The following TPRG1 variants were observed in gnomAD, a reference collection of about 807,000 sequenced individuals.
TPRG1 encodes tumor protein p63 regulated 1.
Under a neutral mutation model 29.3 loss-of-function variants are expected in TPRG1, and 29 were observed. The ratio of observed to expected loss-of-function variants is 0.99; its 90% CI spans 0.74 to 1.35. TPRG1 has a LOEUF of 1.35. Among genes scored for constraint, TPRG1 ranks in the 40% most tolerant of loss-of-function variants. The pLI is 0.00. For missense variants in TPRG1, 327 were observed against 335.0 expected (o/e 0.98, Z 0.19); for synonymous variants, 130 against 116.8 (o/e 1.11, Z -0.73).
Position 189,320,899 on chromosome 3 carries a change from G to T in TPRG1, c.*79G>T. The T allele has an allele frequency of 8.5e-7, 1 of 1,172,942 alleles. No individual in the cohort carries two copies. Among genetic ancestry groups the T allele is most frequent in the South Asian group, 2.1e-5 (1 of 46,828 alleles). 72.7% of individuals were successfully genotyped at this position (1,172,942 alleles called of 1,614,324 possible). On this transcript the variant is annotated 3_prime_UTR_variant, in exon 6 of 6. Coordinates refer to ENST00000345063, the MANE Select transcript of TPRG1 (RefSeq NM_198485.4). ...TCCAGTTTGACCCACGCTATTTTTGGACTGAAACAATTAATTATTTTTAAA... is the reference window on the plus strand; with the variant it reads ...TCCAGTTTGACCCACGCTATTTTTGTACTGAAACAATTAATTATTTTTAAA...
intron 1 of TPRG1, among the ~76,000 whole-genome samples, chr3:189,114,581 A>G (rs1720948408): frequency 1.3e-5 from 2 of 152,040 alleles, no homozygotes; most frequent in African/African-American, 4.8e-5. Flanking sequence ...GTTTTATTTC[A>G]TGAATGACAC....
intron 3 of TPRG1, among the ~76,000 whole-genome samples, chr3:189,229,899 C>T (rs1252253762): frequency 1.3e-5 from 2 of 152,192 alleles, no homozygotes; most frequent in African/African-American, 2.4e-5. Flanking sequence ...GCAGATCTCT[C>T]TGCTGCTTAA....
chr3:189,188,274 C>T (rs555608403), intron 1 of TPRG1, among the ~76,000 whole-genome samples: 11 of 152,160 alleles, frequency 7.2e-5, no homozygotes, highest in Non-Finnish European at 1.5e-4. Context: ...TTCCCTTTGG[C>T]CAGGCATTTT....
intron 3 of TPRG1, among the ~76,000 whole-genome samples, chr3:189,142,437 C>T (rs1724699335): frequency 6.6e-6 from 1 of 152,124 alleles, no homozygotes; most frequent in South Asian, 2.1e-4. Context: ...ATCTCTAGAT[C>T]CTACCCCCTG....
intron 4 of TPRG1, among the ~76,000 whole-genome samples, chr3:189,077,503 A>G (rs1717259564): frequency 6.6e-6 from 1 of 152,144 alleles, no homozygotes; most frequent in South Asian, 2.1e-4. Flanking sequence ...TTGAGTGGAA[A>G]AAGACACAAG....
intron 4 of TPRG1, among the ~76,000 whole-genome samples, chr3:189,065,801 C>T (rs1245206422): frequency 6.6e-6 from 1 of 151,838 alleles, no homozygotes; most frequent in Non-Finnish European, 1.5e-5. Flanking sequence ...TACTGGCGCT[C>T]TAGCTACTGC....
intron 4 of TPRG1, among the ~76,000 whole-genome samples, chr3:189,076,139 A>G (rs1717157004): frequency 6.6e-6 from 1 of 152,212 alleles, no homozygotes; most frequent in Non-Finnish European, 1.5e-5. Flanking sequence ...CTGAGATTTC[A>G]TATTTTTAGT....
At chr3:189,179,118 C>T (rs1004629202) in intron 1 of TPRG1, among the ~76,000 whole-genome samples, 2 of 152,188 alleles carry the variant, frequency 1.3e-5, no homozygotes, top group African/African-American at 2.4e-5. Flanking sequence ...TGTCAACTTA[C>T]CAACATCTAT....
intron 4 of TPRG1, among the ~76,000 whole-genome samples, chr3:189,091,470 T>C (rs754683324): frequency 6.6e-6 from 1 of 152,158 alleles, no homozygotes; most frequent in Non-Finnish European, 1.5e-5. Flanking sequence ...TACAATGCTC[T>C]CCACACCCTC....
intron 3 of TPRG1, among the ~76,000 whole-genome samples, chr3:189,023,088 G>A (rs193163061): frequency 3.9e-5 from 6 of 152,330 alleles, no homozygotes; most frequent in African/African-American, 9.6e-5. Context: ...GCTTTGGCTC[G>A]CGCATGGTGC....
chr3:189,030,990 G>C (rs1713901283), intron 4 of TPRG1, among the ~76,000 whole-genome samples: 1 of 152,120 alleles, frequency 6.6e-6, no homozygotes, highest in African/African-American at 2.4e-5. Flanking sequence ...AAATTAAAAA[G>C]GGCCGAGCGT....
At chr3:189,291,220 C>T (rs1718956593) in intron 4 of TPRG1, among the ~76,000 whole-genome samples, 1 of 152,124 alleles carries the variant, frequency 6.6e-6, no homozygotes, top group Non-Finnish European at 1.5e-5. Flanking sequence ...ATTTCTAAAC[C>T]TAGGTCTGGC....
intron 1 of TPRG1, among the ~76,000 whole-genome samples, chr3:189,193,827 T>C (rs924605515): frequency 6.6e-6 from 1 of 150,780 alleles, no homozygotes; most frequent in African/African-American, 2.5e-5. Context: ...TTTTGTTGAA[T>C]CGTCTGTCCG....
chr3:189,052,846 C>T lies in TPRG1; in HGVS notation c.-463+28900C>T, dbSNP rs185257312. Among the ~76,000 whole-genome samples the T allele has an allele frequency of 2.6e-4, 40 of 152,268 alleles. No individual in the cohort carries two copies. In the East Asian group the frequency reaches 3.7e-3, roughly 14 times the overall value. ...AAGTAACTCAGGAATGGAAACCAAA[C>T]ATTGTATGTTATCACTGATATGTGG... On this transcript the variant is annotated intron_variant, in intron 4 of 10. Transcript: ENST00000433971.
chr3:189,012,031 G>A (rs1712629310), intron 3 of TPRG1, among the ~76,000 whole-genome samples: 2 of 152,108 alleles, frequency 1.3e-5, no homozygotes, highest in African/African-American at 4.8e-5. Flanking sequence ...AAAGCCTTTG[G>A]GCTGAGATGA....
rs550165296 is a variant in TPRG1 at position 189,226,820 on chromosome 3, A to G, written c.302+11437A>G. Reference sequence around the variant, plus strand: ...GACAAAAAAAAAAAAAAAGAAAAAGAAAAAAGAGGAGACACAAGTTACCAA... The same window carrying G: ...GACAAAAAAAAAAAAAAAGAAAAAGGAAAAAGAGGAGACACAAGTTACCAA... On this transcript the variant is annotated intron_variant, in intron 3 of 5. Transcript: ENST00000345063. Among the ~76,000 whole-genome samples, 7 of 151,674 alleles carry G rather than the reference A, an allele frequency of 4.6e-5. No individual in the cohort carries two copies. The South Asian group carries it at 1.5e-3, about 31-fold the overall frequency.
chr3:189,025,644 A>G (rs1713617737), intron 4 of TPRG1, among the ~76,000 whole-genome samples: 1 of 152,146 alleles, frequency 6.6e-6, no homozygotes, highest in South Asian at 2.1e-4. Flanking sequence ...TATTCACTCT[A>G]ATGGTTGACA....
intron 5 of TPRG1, among the ~76,000 whole-genome samples, chr3:189,312,350 C>T (rs563434045): frequency 2.6e-5 from 4 of 151,598 alleles, no homozygotes; most frequent in South Asian, 2.1e-4. Flanking sequence ...TACAGGCGCC[C>T]GAAAACATCT....
chr3:189,061,476 A>G (rs1010816202), intron 4 of TPRG1, among the ~76,000 whole-genome samples: 5 of 152,248 alleles, frequency 3.3e-5, no homozygotes, highest in African/African-American at 1.2e-4. Context: ...TTGCACAGCA[A>G]AAGAAGCTAT....
Sources: allele counts gnomAD v4.1 joint callset (sites outside exome capture counted in the v4.1 genomes callset), GRCh38; gene constraint gnomAD v4.1.1; transcripts MANE v1.5; gene names NCBI Gene and HGNC (gene_info 2026-07-23, HGNC 2026-07-21).